The following ARPC1A variants were observed in gnomAD, a reference collection of about 807,000 sequenced individuals.
ARPC1A encodes the protein actin related protein 2/3 complex subunit 1A.
ARPC1A carries 8 observed loss-of-function variants against 46.9 expected under a neutral mutation model. That is an observed-to-expected ratio of 0.17 (90% CI 0.10 to 0.31). The LOEUF (loss-of-function observed/expected upper bound fraction) is 0.31. Among genes scored for constraint, ARPC1A ranks in the 10% least tolerant of loss-of-function variants. ARPC1A has a pLI of 1.00. For missense variants in ARPC1A, 286 were observed against 483.6 expected, an observed-to-expected ratio of 0.59 and a Z score of 3.83; for synonymous variants, 152 against 169.0, an observed-to-expected ratio of 0.90 and a Z score of 0.78.
chr7:99,335,809 C>T (rs1793240304), intron 2 of ARPC1A, among the ~76,000 whole-genome samples: 1 of 152,040 alleles, frequency 6.6e-6, no homozygotes, highest in Non-Finnish European at 1.5e-5. Context: ...AAAAAATTAG[C>T]CCGGTGTGGT....
intron 8 of ARPC1A, chr7:99,360,154 G>A: frequency 4.8e-6 from 1 of 206,492 alleles, no homozygotes; most frequent in Admixed American, 5.2e-5. Flanking sequence ...GTTGGAAAAG[G>A]TAACTGTAGC....
intron 1 of ARPC1A, among the ~76,000 whole-genome samples, chr7:99,328,355 GC>G (rs1179790209): frequency 6.6e-6 from 1 of 152,130 alleles, no homozygotes; most frequent in East Asian, 1.9e-4. Context: ...GGCAACAAGA[GC>G]AAAACTCCAT....
intron 5 of ARPC1A, among the ~76,000 whole-genome samples, chr7:99,352,191 T>C (rs761379542): frequency 2.0e-5 from 3 of 152,084 alleles, no homozygotes; most frequent in African/African-American, 4.8e-5. Context: ...GATGGTAAGG[T>C]AGACAGGAAA....
intron 1 of ARPC1A, among the ~76,000 whole-genome samples, 182 bp downstream of exon 1, chr7:99,326,186 C>A (rs1297652668): frequency 6.6e-6 from 1 of 152,144 alleles, no homozygotes; most frequent in Non-Finnish European, 1.5e-5. Context: ...TCCGTGGATC[C>A]CCTGCAGCTT....
chr7:99,344,609 C>T (rs948688353), intron 4 of ARPC1A, 94 bp downstream of exon 4: 311 of 1,300,782 alleles, frequency 2.4e-4, no homozygotes, highest in Non-Finnish European at 2.8e-4. Flanking sequence ...TTTTCTCATC[C>T]GGAGTTGTGT....
intron 9 of ARPC1A, 82 bp downstream of exon 9, chr7:99,363,715 A>T: frequency 9.5e-7 from 1 of 1,053,622 alleles, no homozygotes. Context: ...CTTCTCTGTC[A>T]CCCAGGTTGG....
chr7:99,339,615 C>T (rs971997346), intron 3 of ARPC1A, among the ~76,000 whole-genome samples: 1 of 152,192 alleles, frequency 6.6e-6, no homozygotes, highest in Non-Finnish European at 1.5e-5. Flanking sequence ...TATGCATCTC[C>T]GGCAGCCTGC....
At chr7:99,353,119 TTATGTTATGTTATGTTATG>T in intron 5 of ARPC1A, among the ~76,000 whole-genome samples, 1 of 31,146 alleles carries the variant, frequency 3.2e-5, no homozygotes, top group East Asian at 7.7e-4. Context: ...TTAGTTTATG[TTATGTTATGTTATGTTATG>T]TTATGTTATG....
chr7:99,358,157 C>T (rs767573198), intron 6 of ARPC1A, among the ~76,000 whole-genome samples, 183 bp from the exon 7 acceptor site: 4 of 152,122 alleles, frequency 2.6e-5, no homozygotes, highest in Non-Finnish European at 4.4e-5. Context: ...GAGGCAGAGC[C>T]GGAACCCAGG....
chr7:99,331,832 T>C (rs1793148975), intron 1 of ARPC1A, among the ~76,000 whole-genome samples: 1 of 152,154 alleles, frequency 6.6e-6, no homozygotes, highest in East Asian at 1.9e-4. Flanking sequence ...GGCAGGAGGA[T>C]CACCTGAGTC....
intron 5 of ARPC1A, 54 bp from the exon 6 acceptor site, chr7:99,353,855 C>T: frequency 1.9e-6 from 3 of 1,552,184 alleles, no homozygotes; most frequent in Non-Finnish European, 8.9e-7. Context: ...TGGCCTGTTT[C>T]TATATACATA....
intron 8 of ARPC1A, among the ~76,000 whole-genome samples, chr7:99,361,705 C>T (rs1262843536): frequency 2.0e-5 from 3 of 152,126 alleles, no homozygotes; most frequent in African/African-American, 7.2e-5. Flanking sequence ...AAGAACAAAC[C>T]CTTGCTGATT....
intron 8 of ARPC1A, among the ~76,000 whole-genome samples, chr7:99,363,099 A>T (rs1280066164): frequency 6.6e-6 from 1 of 152,128 alleles, no homozygotes; most frequent in Non-Finnish European, 1.5e-5. Context: ...CCAGCATTTG[A>T]GTGCTGTGTG....
At position 99,351,471 on chromosome 7, in the gene ARPC1A, G is replaced by A. The variant is rs182240335; in HGVS notation, c.501-2438G>A. ...TGGCCTCGAGCTATCCACCTGCCTC[G>A]GCCTCCCAAAGTGCTGGGGTTACAG... On this transcript the variant is annotated intron_variant, in intron 5 of 9. Transcript: ENST00000262942. Among the ~76,000 whole-genome samples, 1,235 of 151,992 alleles carry A rather than the reference G, an allele frequency of 8.1e-3. 17 individuals are homozygous for A. The highest frequency in any genetic ancestry group is 0.026 in the African/African-American group (1,091 of 41,444).
At chr7:99,326,926 A>G (rs1398149432) in intron 1 of ARPC1A, among the ~76,000 whole-genome samples, 1 of 152,214 alleles carries the variant, frequency 6.6e-6, no homozygotes, top group Non-Finnish European at 1.5e-5. Context: ...TGCTGGGAAC[A>G]TGATAGGCAC....
At chr7:99,356,098 T>C (rs1366676458) in intron 6 of ARPC1A, among the ~76,000 whole-genome samples, 1 of 152,128 alleles carries the variant, frequency 6.6e-6, no homozygotes, top group Admixed American at 6.6e-5. Context: ...GTGTTCCTTT[T>C]CCATTGATAG....
At chr7:99,358,099 A>C (rs1372110682) in intron 6 of ARPC1A, among the ~76,000 whole-genome samples, 1 of 152,090 alleles carries the variant, frequency 6.6e-6, no homozygotes, top group East Asian at 1.9e-4. Flanking sequence ...TGATGCAAAG[A>C]CTGGGCTTTG....
intron 1 of ARPC1A, among the ~76,000 whole-genome samples, chr7:99,329,158 G>A (rs1038385274): frequency 3.2e-4 from 48 of 152,110 alleles, no homozygotes; most frequent in East Asian, 3.9e-4. Flanking sequence ...AAAATTGGCC[G>A]GGTGTGGTGG....
chr7:99,359,499 G>A (rs1236941798), intron 7 of ARPC1A, 46 bp from the exon 8 acceptor site: 2 of 1,595,816 alleles, frequency 1.3e-6, no homozygotes, highest in South Asian at 2.2e-5. Context: ...AAGGAGGTGG[G>A]CGGTGGGCAG....
Sources: allele counts gnomAD v4.1 joint callset (sites outside exome capture counted in the v4.1 genomes callset), GRCh38; gene constraint gnomAD v4.1.1; transcripts MANE v1.5; gene names NCBI Gene and HGNC (gene_info 2026-07-23, HGNC 2026-07-21).